Variants in RAB10 observed in about 807,000 individuals in gnomAD.
The protein encoded by RAB10 is ras-related protein Rab-10.
A neutral mutation model predicts 25.7 loss-of-function variants in RAB10; 5 were observed. The observed-to-expected ratio is 0.19, with a 90% CI of 0.10 to 0.41. The LOEUF is 0.41. Ranked by LOEUF, RAB10 falls within the 10% of genes least tolerant of loss-of-function variation. RAB10 has a pLI of 1.00. For missense variants in RAB10, 103 were observed against 245.8 expected (o/e 0.42, Z 3.89); for synonymous variants, 89 against 86.4 (o/e 1.03, Z -0.16).
At chr2:26,080,075 A>C (rs1666835201) in intron 1 of RAB10, among the ~76,000 whole-genome samples, 1 of 152,214 alleles carries the variant, frequency 6.6e-6, no homozygotes, top group African/African-American at 2.4e-5. Flanking sequence ...TAGAAAACAA[A>C]GAAGTGCTCA....
chr2:26,084,413 T>C (rs1333222533), intron 1 of RAB10, among the ~76,000 whole-genome samples: 1 of 152,212 alleles, frequency 6.6e-6, no homozygotes, highest in African/African-American at 2.4e-5. Context: ...GTGAATTAGC[T>C]TATAGCCAAT....
At chr2:26,054,532 C>A (rs1273397698) in intron 1 of RAB10, among the ~76,000 whole-genome samples, 2 of 152,112 alleles carry the variant, frequency 1.3e-5, no homozygotes, top group Non-Finnish European at 2.9e-5. Context: ...TTTCTTTTTG[C>A]ATATTTTAAT....
At chr2:26,036,346 C>G (rs1460114257) in intron 1 of RAB10, among the ~76,000 whole-genome samples, 1 of 152,066 alleles carries the variant, frequency 6.6e-6, no homozygotes, top group Non-Finnish European at 1.5e-5. Context: ...TTTGAGTAGG[C>G]TTACGTGGAG....
intron 2 of RAB10, among the ~76,000 whole-genome samples, chr2:26,104,655 A>T (rs1224974763): frequency 6.6e-6 from 1 of 151,542 alleles, no homozygotes; most frequent in African/African-American, 2.4e-5. Flanking sequence ...CAAATCCAAG[A>T]TTTGAAGATG....
chr2:26,061,135 G>A (rs1445617957), intron 1 of RAB10, among the ~76,000 whole-genome samples: 1 of 101,280 alleles, frequency 9.9e-6, no homozygotes, highest in Non-Finnish European at 1.9e-5. Flanking sequence ...TGTTTTTTGA[G>A]ACAGGGTCTG....
intron 1 of RAB10, 44 bp downstream of exon 1, chr2:26,034,779 A>G: frequency 6.2e-7 from 1 of 1,609,908 alleles, no homozygotes; most frequent in Non-Finnish European, 8.5e-7. Context: ...GTAGCTGCAT[A>G]CCGTTTATTT....
intron 1 of RAB10, among the ~76,000 whole-genome samples, chr2:26,047,685 G>A (rs1280462678): frequency 6.7e-6 from 1 of 148,514 alleles, no homozygotes; most frequent in Non-Finnish European, 1.5e-5. Flanking sequence ...GCCTCCCAAA[G>A]TGTTGGGATT....
At chr2:26,110,644 A>G (rs1050567426) in intron 3 of RAB10, among the ~76,000 whole-genome samples, 1 of 152,222 alleles carries the variant, frequency 6.6e-6, no homozygotes, top group African/African-American at 2.4e-5. Flanking sequence ...TGGAATACTA[A>G]TATAGTAAAA....
chr2:26,127,053 C>T (rs538114475), intron 3 of RAB10, 91 bp from the exon 4 acceptor site: 314 of 919,180 alleles, frequency 3.4e-4, no homozygotes, highest in Non-Finnish European at 1.3e-4. Context: ...ATAGAAATGA[C>T]CCTCTAAATT....
At chr2:26,063,503 C>T (rs1666454350) in intron 1 of RAB10, among the ~76,000 whole-genome samples, 1 of 152,052 alleles carries the variant, frequency 6.6e-6, no homozygotes, top group Admixed American at 6.6e-5. Flanking sequence ...TCTCTAAATA[C>T]TTTAGCATGT....
intron 5 of RAB10, among the ~76,000 whole-genome samples, chr2:26,128,494 C>T (rs1349501926): frequency 1.3e-5 from 2 of 152,226 alleles, no homozygotes; most frequent in Non-Finnish European, 2.9e-5. Context: ...GCTCCACAGT[C>T]ACTGTCTAGT....
At chr2:26,084,163 T>G (rs957638983) in intron 1 of RAB10, among the ~76,000 whole-genome samples, 1 of 152,214 alleles carries the variant, frequency 6.6e-6, no homozygotes, top group African/African-American at 2.4e-5. Context: ...GCCTGTTCCC[T>G]TACCTTAAGG....
chr2:26,118,459 G>A (rs1398837586), intron 3 of RAB10, among the ~76,000 whole-genome samples: 2 of 147,810 alleles, frequency 1.4e-5, no homozygotes, highest in Admixed American at 1.3e-4. Flanking sequence ...TGGGGGTGGG[G>A]AATTAACAGG....
intron 3 of RAB10, among the ~76,000 whole-genome samples, chr2:26,122,871 A>T (rs756534362): frequency 3.9e-5 from 6 of 152,094 alleles, no homozygotes; most frequent in Non-Finnish European, 7.4e-5. Context: ...TCTTTAATGC[A>T]GTTAAAAGTG....
chr2:26,120,825 C>T (rs547704135), intron 3 of RAB10, among the ~76,000 whole-genome samples: 4 of 152,212 alleles, frequency 2.6e-5, no homozygotes, highest in African/African-American at 7.2e-5. Context: ...CTCCTGACCT[C>T]GTGATCCGCC....
rs563533119 is a variant in RAB10 at position 26,094,002 on chromosome 2, C to A, written c.128-4660C>A. Among the ~76,000 whole-genome samples the A allele has an allele frequency of 1.4e-4, 21 of 149,984 alleles. No individual in the cohort carries two copies. The East Asian group carries it at 4.2e-3, about 30-fold the overall frequency. The stretch of plus-strand genomic sequence containing the variant: ...CTTCAACCTCCTGGACTCAGGTGAT[C>A]CTCCCACCACAGCCTCCCAAGTAGC... On this transcript the variant is annotated intron_variant, in intron 1 of 5. Coordinates refer to ENST00000264710, the MANE Select transcript of RAB10 (RefSeq NM_016131.5).
At position 26,064,097 on chromosome 2, in the gene RAB10, T is replaced by G. The variant is rs143722300; in HGVS notation, c.127+29362T>G. 2.1e-3 allele frequency among the ~76,000 whole-genome samples: 320 copies of G among 152,348 alleles called. 1 individual carries two copies. Among genetic ancestry groups the G allele is most frequent in the African/African-American group, 7.5e-3 (313 of 41,586 alleles). On this transcript the variant is annotated intron_variant, in intron 1 of 5. Coordinates refer to ENST00000264710, the MANE Select transcript of RAB10 (RefSeq NM_016131.5). Reference sequence around the variant, plus strand: ...AATTCATCCAGTAGGAGCTGCTTAATGTCCTTTTGTTCTATTTTTGGAGAT... The same window carrying G: ...AATTCATCCAGTAGGAGCTGCTTAAGGTCCTTTTGTTCTATTTTTGGAGAT...
At chr2:26,104,658 T>G (rs116130850) in intron 2 of RAB10, among the ~76,000 whole-genome samples, 3,144 of 152,242 alleles carry the variant, frequency 0.021, 118 homozygotes, top group African/African-American at 0.072. Context: ...ATCCAAGATT[T>G]GAAGATGACC....
rs866444933 is a variant in RAB10, at chr2:26,112,693, T to A, written c.327+2787T>A. Among the ~76,000 whole-genome samples, 9 of 152,192 alleles carry A rather than the reference T, an allele frequency of 5.9e-5. No homozygotes were observed. In the South Asian group the frequency reaches 1.5e-3, roughly 25 times the overall value. ...CAGAAAGATTGCTTGAGCCCAAGAATTCAAGGCTGCAGTGAGCTATTATCA... is the reference window on the plus strand; with the variant it reads ...CAGAAAGATTGCTTGAGCCCAAGAAATCAAGGCTGCAGTGAGCTATTATCA... On this transcript the variant is annotated intron_variant, in intron 3 of 5. Coordinates refer to ENST00000264710, the MANE Select transcript of RAB10 (RefSeq NM_016131.5).
Sources: gnomAD v4.1 joint callset for allele counts (sites outside exome capture counted in the v4.1 genomes callset) on GRCh38, gnomAD v4.1.1 for gene constraint, MANE v1.5 for transcripts, NCBI Gene and HGNC (gene_info 2026-07-23, HGNC 2026-07-21) for gene names.